IL34: variants seen among roughly 807,000 people sequenced by gnomAD.
IL34 encodes interleukin 34.
IL34 carries 17 observed loss-of-function variants against 25.3 expected under a neutral mutation model. The ratio of observed to expected loss-of-function variants is 0.67; its 90% confidence interval spans 0.46 to 1.01. The LOEUF is 1.01. IL34 is among the 50% of genes least tolerant of loss of function. The pLI, the probability that IL34 is intolerant of heterozygous loss-of-function variation, is 0.00. For synonymous variants in IL34, 174 were observed against 140.9 expected, an observed-to-expected ratio of 1.23 and a Z score of -1.66; for missense variants, 368 against 312.9, an observed-to-expected ratio of 1.18 and a Z score of -1.33.
intron 5 of IL34, 117 bp downstream of exon 5, chr16:70,659,870 A>C: frequency 6.7e-7 from 1 of 1,485,688 alleles, no homozygotes; most frequent in South Asian, 1.3e-5. Context: ...CCGGGGCTAC[A>C]AGCCATTTCT....
intron 1 of IL34, among the ~76,000 whole-genome samples, chr16:70,653,785 A>T (rs1190762110): frequency 6.6e-6 from 1 of 152,158 alleles, no homozygotes; most frequent in African/African-American, 2.4e-5. Context: ...CTTCTGTTTT[A>T]TTCTTTCTGC....
At chr16:70,607,864 A>G (rs1335296481) in intron 1 of IL34, among the ~76,000 whole-genome samples, 1 of 151,450 alleles carries the variant, frequency 6.6e-6, no homozygotes, top group Non-Finnish European at 1.5e-5. Flanking sequence ...TCCTGGGTTC[A>G]AGCAATTTTC....
chr16:70,638,080 A>G (rs2051696338), intron 1 of IL34, among the ~76,000 whole-genome samples: 2 of 152,194 alleles, frequency 1.3e-5, no homozygotes, highest in African/African-American at 4.8e-5. Flanking sequence ...TCTCCATACT[A>G]CAAATCAGTG....
chr16:70,580,065 G>T (rs893370672), intron 1 of IL34: 2 of 152,332 alleles, frequency 1.3e-5, no homozygotes, highest in African/African-American at 4.8e-5. Context: ...AAGGCAGCAG[G>T]CTTTCTCTCC....
chr16:70,647,495 T>A (rs1262012932), intron 1 of IL34, among the ~76,000 whole-genome samples: 1 of 152,114 alleles, frequency 6.6e-6, no homozygotes, highest in African/African-American at 2.4e-5. Context: ...GAAAAATAAG[T>A]TGAAATGAGG....
rs922414556 is a variant in IL34, at chr16:70,660,431, C to T, written c.*244C>T. 45 of 444,848 alleles carry T rather than the reference C, an allele frequency of 1.0e-4. 1 individual carries two copies. The East Asian group carries it at 1.1e-3, about 11-fold the overall frequency. 27.6% of individuals were successfully genotyped at this position (444,848 alleles called of 1,614,324 possible). On this transcript the variant is annotated 3_prime_UTR_variant, in exon 6 of 6. Transcript: ENST00000288098. ...GACCTGAAGGTGGATGGGGACACAG[C>T]TCCTGGCTTCTCCTGGTGCTGCCCT...
chr16:70,656,875 T>C lies in IL34; in HGVS notation c.241-85T>C. The C allele has an allele frequency of 2.8e-6, 4 of 1,443,758 alleles. No homozygotes were observed. The South Asian group carries it at 3.8e-5, about 14-fold the overall frequency. The allele number at this position is 1,443,758 out of a possible 1,614,324, so 89.4% of individuals were successfully genotyped here. ...GCGGACGGCCCGCGTCTGCTCCCTATGCAGGGGCAAGTCCCTGGTGAGGGA... is the reference window on the plus strand; with the variant it reads ...GCGGACGGCCCGCGTCTGCTCCCTACGCAGGGGCAAGTCCCTGGTGAGGGA... On this transcript the variant is annotated intron_variant, in intron 3 of 5. Transcript: ENST00000288098.
rs570849399 is a variant in IL34, at chr16:70,584,438, G to A, written c.-401+4389G>A. On this transcript the variant is annotated intron_variant, in intron 1 of 6. Transcript: ENST00000429149. ...CTTGCCTATAGCTAGAAAGGTTCAG[G>A]TCAAAATGATGAATTGGAAAGGCCA... is the stretch of plus-strand genomic sequence containing the variant. Among the ~76,000 whole-genome samples, 4 of 152,310 alleles carry A rather than the reference G, an allele frequency of 2.6e-5. No homozygotes were observed. In the South Asian group the frequency reaches 6.2e-4, roughly 24 times the overall value.
chr16:70,606,599 T>C (rs1025510044), intron 1 of IL34, among the ~76,000 whole-genome samples: 5 of 152,080 alleles, frequency 3.3e-5, no homozygotes, highest in Non-Finnish European at 5.9e-5. Flanking sequence ...TTCTAGATTT[T>C]TTTTTTGAGA....
chr16:70,580,971 G>A (rs2050630284), intron 1 of IL34, among the ~76,000 whole-genome samples: 1 of 151,318 alleles, frequency 6.6e-6, no homozygotes, highest in South Asian at 2.1e-4. Flanking sequence ...GAGTGCAGTG[G>A]CGTCATCTCA....
At chr16:70,580,307 C>T (rs2050622558) in intron 1 of IL34, among the ~76,000 whole-genome samples, 2 of 152,224 alleles carry the variant, frequency 1.3e-5, no homozygotes, top group African/African-American at 4.8e-5. Context: ...ATCCACATAA[C>T]CATAAAGCAA....
intron 1 of IL34, among the ~76,000 whole-genome samples, chr16:70,617,630 A>C (rs985928979): frequency 2.0e-5 from 3 of 152,078 alleles, no homozygotes; most frequent in African/African-American, 7.3e-5. Flanking sequence ...GGAAAGTGGT[A>C]AAAGTATTGT....
intron 1 of IL34, among the ~76,000 whole-genome samples, chr16:70,593,027 A>G (rs1271669504): frequency 2.6e-5 from 4 of 152,078 alleles, no homozygotes; most frequent in East Asian, 3.9e-4. Flanking sequence ...GGGTTTCACC[A>G]TATTGGCCAG....
At chr16:70,607,135 T>C (rs1363875280) in intron 1 of IL34, among the ~76,000 whole-genome samples, 1 of 152,208 alleles carries the variant, frequency 6.6e-6, no homozygotes, top group Non-Finnish European at 1.5e-5. Flanking sequence ...AGAGTCTCGC[T>C]CAGTCGCCCA....
At chr16:70,615,399 C>G (rs994777923) in intron 1 of IL34, among the ~76,000 whole-genome samples, 2 of 152,028 alleles carry the variant, frequency 1.3e-5, no homozygotes, top group African/African-American at 4.8e-5. Flanking sequence ...CCCAGCTACT[C>G]AGGAGGTTGA....
At chr16:70,582,187 C>G (rs1233085303) in intron 1 of IL34, among the ~76,000 whole-genome samples, 2 of 152,260 alleles carry the variant, frequency 1.3e-5, no homozygotes, top group Admixed American at 1.3e-4. Flanking sequence ...TTGACTAGGC[C>G]TCTGTCTGTC....
chr16:70,580,371 C>T (rs2050623229), intron 1 of IL34, among the ~76,000 whole-genome samples: 1 of 152,262 alleles, frequency 6.6e-6, no homozygotes, highest in Admixed American at 6.5e-5. Flanking sequence ...AACCTACATT[C>T]TCAAATGGTT....
upstream of IL34, among the ~76,000 whole-genome samples, chr16:70,644,871 A>T (rs2051876517): frequency 7.3e-6 from 1 of 136,162 alleles, no homozygotes; most frequent in Non-Finnish European, 1.6e-5. Flanking sequence ...AGGAGGAAGT[A>T]GGAAGAGGAA....
intron 1 of IL34, among the ~76,000 whole-genome samples, chr16:70,620,404 C>T (rs113601660): frequency 1.3e-4 from 19 of 151,984 alleles, no homozygotes; most frequent in East Asian, 7.7e-4. Context: ...GGGCTAGTCA[C>T]GCAACGAAAC....
Sources: allele counts gnomAD v4.1 joint callset (sites outside exome capture counted in the v4.1 genomes callset), GRCh38; gene constraint gnomAD v4.1.1; transcripts MANE v1.5; gene names NCBI Gene and HGNC (gene_info 2026-07-23, HGNC 2026-07-21).